Variants in SAMMSON observed in about 807,000 individuals in gnomAD.
SAMMSON encodes the protein long intergenic non-protein coding RNA 1212.
intron 2 of SAMMSON, among the ~76,000 whole-genome samples, chr3:70,426,845 C>A (rs1701373976): frequency 6.6e-6 from 1 of 152,268 alleles, no homozygotes; most frequent in African/African-American, 2.4e-5. Context: ...GTTGAACCTG[C>A]CTAGCATCTG....
At chr3:70,187,336 G>A (rs1427548376) in intron 4 of SAMMSON, among the ~76,000 whole-genome samples, 1 of 150,990 alleles carries the variant, frequency 6.6e-6, no homozygotes, top group Non-Finnish European at 1.5e-5. Context: ...CCAGGGCTTG[G>A]TGTTGCACAC....
chr3:70,170,979 A>G lies in SAMMSON; in HGVS notation n.508-78128A>G, dbSNP rs1700938595. On this transcript the variant is annotated intron_variant and non_coding_transcript_variant, in intron 4 of 9. Transcript: ENST00000642114. ...AATAACTGCGTGATTAGACCTTGAAATGCAATGAAGCAAATTCAGCTTCTA... is the reference window on the plus strand; with the variant it reads ...AATAACTGCGTGATTAGACCTTGAAGTGCAATGAAGCAAATTCAGCTTCTA... 2.0e-5 allele frequency among the ~76,000 whole-genome samples: 3 copies of G among 152,002 alleles called. No homozygotes were observed. In the South Asian group the frequency reaches 6.2e-4, roughly 32 times the overall value.
At chr3:70,027,739 C>G (rs2067046712) in intron 3 of SAMMSON, among the ~76,000 whole-genome samples, 1 of 152,178 alleles carries the variant, frequency 6.6e-6, no homozygotes, top group Admixed American at 6.5e-5. Context: ...CATACATCAT[C>G]AGAGTAAGGT....
chr3:70,433,461 C>G (rs146587094), intron 2 of SAMMSON, among the ~76,000 whole-genome samples: 1 of 151,966 alleles, frequency 6.6e-6, no homozygotes, highest in Non-Finnish European at 1.5e-5. Flanking sequence ...GCATTGTTGG[C>G]GGGGTGACTG....
chr3:70,153,419 T>C (rs551365571), intron 4 of SAMMSON, among the ~76,000 whole-genome samples: 1 of 152,018 alleles, frequency 6.6e-6, no homozygotes, highest in East Asian at 1.9e-4. Context: ...TCTCTATAGC[T>C]CCAGCTCACT....
At chr3:70,105,800 G>A (rs941423041) in intron 4 of SAMMSON, among the ~76,000 whole-genome samples, 2 of 152,136 alleles carry the variant, frequency 1.3e-5, no homozygotes, top group African/African-American at 2.4e-5. Context: ...GGGGTCTTTT[G>A]GGTCTCTCCT....
intron 3 of SAMMSON, chr3:70,014,317 G>A (rs994941360): frequency 6.6e-6 from 1 of 152,140 alleles, no homozygotes; most frequent in African/African-American, 2.4e-5. Context: ...AAGACATGGA[G>A]GCGTCTAAAA....
chr3:70,236,652 G>A (rs996564897), intron 4 of SAMMSON, among the ~76,000 whole-genome samples: 2 of 152,080 alleles, frequency 1.3e-5, no homozygotes, highest in Non-Finnish European at 2.9e-5. Context: ...CTGGAGTGCA[G>A]CGGCACAATC....
chr3:70,007,025 A>G (rs1409524589), intron 1 of SAMMSON, among the ~76,000 whole-genome samples: 1 of 151,650 alleles, frequency 6.6e-6, no homozygotes, highest in Non-Finnish European at 1.5e-5. Context: ...TATGTGCCAC[A>G]TTTTCTTCAT....
At chr3:70,019,658 A>T (rs1259433375) in intron 3 of SAMMSON, among the ~76,000 whole-genome samples, 1 of 152,084 alleles carries the variant, frequency 6.6e-6, no homozygotes, top group African/African-American at 2.4e-5. Flanking sequence ...TCGTCAGTTG[A>T]TGCAGTTTCT....
chr3:70,387,258 A>G (rs1482037483), intron 9 of SAMMSON, among the ~76,000 whole-genome samples: 1 of 152,028 alleles, frequency 6.6e-6, no homozygotes, highest in Non-Finnish European at 1.5e-5. Flanking sequence ...AATGTTGCAT[A>G]CCATATATGG....
chr3:70,358,416 A>G (rs565629143), intron 9 of SAMMSON: 2 of 152,314 alleles, frequency 1.3e-5, no homozygotes, highest in Non-Finnish European at 2.9e-5. Context: ...AAAGCTGGCC[A>G]TTTAATATTT....
intron 6 of SAMMSON, among the ~76,000 whole-genome samples, chr3:70,274,056 C>CGTGTGTGTGT (rs111792704): frequency 0.028 from 4,017 of 142,872 alleles, 74 homozygotes; most frequent in South Asian, 0.054. Context: ...ATTAAACCTC[C>CGTGTGTGTGT]GTGTGTGTGT....
chr3:70,214,359 T>C (rs935465006), intron 4 of SAMMSON, among the ~76,000 whole-genome samples: 5 of 152,122 alleles, frequency 3.3e-5, no homozygotes, highest in African/African-American at 1.2e-4. Flanking sequence ...AAACGTTAGA[T>C]GAAATGTTTA....
chr3:70,033,770 T>G (rs2067074562), intron 3 of SAMMSON, among the ~76,000 whole-genome samples: 1 of 152,042 alleles, frequency 6.6e-6, no homozygotes. Flanking sequence ...TCAATGGATT[T>G]GGGGACTACA....
chr3:70,177,879 A>G (rs997128312), intron 4 of SAMMSON, among the ~76,000 whole-genome samples: 2 of 152,168 alleles, frequency 1.3e-5, no homozygotes, highest in African/African-American at 4.8e-5. Context: ...TTATTCGTTC[A>G]TGATATAGTT....
chr3:70,047,121 C>G (rs1349886818), intron 3 of SAMMSON, among the ~76,000 whole-genome samples: 1 of 152,068 alleles, frequency 6.6e-6, no homozygotes, highest in African/African-American at 2.4e-5. Flanking sequence ...AGAATGTTAA[C>G]AGTAATAGCA....
chr3:70,108,368 G>A (rs1371601485), intron 4 of SAMMSON, among the ~76,000 whole-genome samples: 3 of 144,096 alleles, frequency 2.1e-5, no homozygotes, highest in East Asian at 2.3e-4. Context: ...AAGGTCAGCC[G>A]TCAGCAAGCC....
rs186720436 is a variant in SAMMSON, at chr3:70,061,269, C to A, written n.418-10207C>A. Among the ~76,000 whole-genome samples, 388 of 152,132 alleles carry A rather than the reference C, an allele frequency of 2.6e-3. 5 individuals carry two copies. Among genetic ancestry groups the A allele is most frequent in the Non-Finnish European group, 4.3e-3 (295 of 67,988 alleles). On this transcript the variant is annotated intron_variant and non_coding_transcript_variant, in intron 3 of 9. Transcript: ENST00000642114. ...GTTGGGACTGCCTAGCAGGCGAATG[C>A]AACTGTGAGTCAGGAGCTCAGAGCC...
Sources: allele counts gnomAD v4.1 joint callset (sites outside exome capture counted in the v4.1 genomes callset), GRCh38; gene constraint gnomAD v4.1.1; transcripts MANE v1.5; gene names NCBI Gene and HGNC (gene_info 2026-07-23, HGNC 2026-07-21).